MEIS2: variants seen among roughly 807,000 people sequenced by gnomAD.
The protein encoded by MEIS2 is homeobox protein Meis2.
MEIS2 carries 9 observed loss-of-function variants against 58.6 expected under a neutral mutation model. That is an observed-to-expected ratio of 0.15 (90% confidence interval 0.09 to 0.27). The LOEUF is 0.27. Among genes scored for constraint, MEIS2 ranks in the 10% least tolerant of loss-of-function variants. The pLI, the probability that MEIS2 is intolerant of heterozygous loss-of-function variation, is 1.00. For missense variants in MEIS2, 427 were observed against 635.0 expected (o/e 0.67, Z 3.52); for synonymous variants, 221 against 228.4 (o/e 0.97, Z 0.29).
intron 7 of MEIS2, among the ~76,000 whole-genome samples, chr15:37,083,181 T>C (rs1351399074): frequency 1.3e-5 from 2 of 152,166 alleles, no homozygotes; most frequent in Admixed American, 1.3e-4. Flanking sequence ...GATGTCCCCC[T>C]TGCCCTCTGA....
chr15:37,068,531 T>A (rs1187365554), intron 7 of MEIS2, among the ~76,000 whole-genome samples: 2 of 152,190 alleles, frequency 1.3e-5, no homozygotes, highest in Non-Finnish European at 2.9e-5. Context: ...TGTGTATTTA[T>A]CACAAACTAA....
intron 7 of MEIS2, among the ~76,000 whole-genome samples, chr15:37,064,379 G>A (rs759813953): frequency 5.3e-5 from 8 of 151,458 alleles, no homozygotes; most frequent in Non-Finnish European, 1.2e-4. Flanking sequence ...TATTTACAAC[G>A]TAAATATGTA....
intron 8 of MEIS2, among the ~76,000 whole-genome samples, chr15:36,960,372 A>C (rs2059140571): frequency 6.6e-6 from 1 of 152,146 alleles, no homozygotes; most frequent in Non-Finnish European, 1.5e-5. Flanking sequence ...AAAAGTTATA[A>C]AAACAAGAAG....
At chr15:37,059,366 G>T (rs1888877254) in intron 7 of MEIS2, among the ~76,000 whole-genome samples, 1 of 152,140 alleles carries the variant, frequency 6.6e-6, no homozygotes, top group Non-Finnish European at 1.5e-5. Context: ...ATATATTTAA[G>T]AGTAAAGTAA....
At chr15:36,916,265 A>C (rs949554561) in intron 9 of MEIS2, among the ~76,000 whole-genome samples, 1 of 151,842 alleles carries the variant, frequency 6.6e-6, no homozygotes, top group Non-Finnish European at 1.5e-5. Flanking sequence ...GTCTCTACTA[A>C]AAATACAAAA....
At chr15:37,077,020 T>A (rs909480084) in intron 7 of MEIS2, among the ~76,000 whole-genome samples, 1 of 152,120 alleles carries the variant, frequency 6.6e-6, no homozygotes, top group Non-Finnish European at 1.5e-5. Context: ...TCACAAATCT[T>A]GGCATTTTTA....
intron 8 of MEIS2, among the ~76,000 whole-genome samples, chr15:36,967,864 C>T (rs1736541215): frequency 1.3e-5 from 2 of 152,206 alleles, no homozygotes; most frequent in Non-Finnish European, 2.9e-5. Flanking sequence ...TGGGCATGAC[C>T]ATGCAACTGA....
intron 9 of MEIS2, among the ~76,000 whole-genome samples, chr15:36,915,699 GGTGGTATCACGGATTCATTTAA>G (rs1334515784): frequency 1.3e-5 from 2 of 152,258 alleles, no homozygotes; most frequent in South Asian, 4.1e-4. Context: ...ATTTATGAAT[GGTGGTATCACGGATTCATTTAA>G]GTGAAGCAAA....
intron 8 of MEIS2, among the ~76,000 whole-genome samples, chr15:37,032,238 T>A (rs1418528099): frequency 6.6e-6 from 1 of 152,136 alleles, no homozygotes; most frequent in Non-Finnish European, 1.5e-5. Context: ...GAGCAAGTAG[T>A]GTCTTTGTGT....
intron 8 of MEIS2, among the ~76,000 whole-genome samples, chr15:36,997,484 T>C: frequency 1.2e-5 from 1 of 85,574 alleles, no homozygotes; most frequent in East Asian, 4.9e-4. Context: ...TTTCTCTCTC[T>C]CTCTCTTTTT....
intron 9 of MEIS2, among the ~76,000 whole-genome samples, chr15:36,931,386 G>A (rs775612841): frequency 5.9e-5 from 9 of 152,130 alleles, no homozygotes; most frequent in Non-Finnish European, 1.0e-4. Flanking sequence ...CTACCAAGGC[G>A]TTTCTTTCAC....
At chr15:36,901,112 T>G (rs984847915) in intron 9 of MEIS2, 4 of 152,206 alleles carry the variant, frequency 2.6e-5, no homozygotes, top group African/African-American at 7.2e-5. Context: ...TGAAGAGAGA[T>G]CAGATCAACT....
chr15:37,041,679 G>A (rs954355085), intron 7 of MEIS2, among the ~76,000 whole-genome samples: 3 of 152,124 alleles, frequency 2.0e-5, no homozygotes, highest in Admixed American at 6.5e-5. Context: ...AAGGAAGGAC[G>A]TCGGCACACT....
intron 8 of MEIS2, among the ~76,000 whole-genome samples, chr15:37,033,568 A>C (rs991515687): frequency 6.6e-6 from 1 of 152,252 alleles, no homozygotes; most frequent in African/African-American, 2.4e-5. Context: ...ATAATGGAGA[A>C]ATGCATATTG....
At chr15:37,081,028 A>C (rs1344575893) in intron 7 of MEIS2, among the ~76,000 whole-genome samples, 2 of 152,196 alleles carry the variant, frequency 1.3e-5, no homozygotes, top group Non-Finnish European at 2.9e-5. Context: ...TCCAAAGTAA[A>C]GTTTCTATGA....
At chr15:37,012,718 T>C (rs899170843) in intron 8 of MEIS2, among the ~76,000 whole-genome samples, 2 of 152,194 alleles carry the variant, frequency 1.3e-5, no homozygotes, top group African/African-American at 4.8e-5. Context: ...ATTGCCCTAA[T>C]GTGTACAAAT....
At chr15:37,021,089 G>A (rs1172206837) in intron 8 of MEIS2, among the ~76,000 whole-genome samples, 1 of 152,150 alleles carries the variant, frequency 6.6e-6, no homozygotes, top group East Asian at 1.9e-4. Flanking sequence ...CTCCAGAACT[G>A]TGAGAAAATA....
At chr15:37,015,899 CCTTT>C (rs1341671730) in intron 8 of MEIS2, among the ~76,000 whole-genome samples, 3 of 152,156 alleles carry the variant, frequency 2.0e-5, no homozygotes, top group Non-Finnish European at 2.9e-5. Flanking sequence ...ATGTGTATAT[CCTTT>C]CTTTCTATAA....
chr15:36,971,584 A>G (rs559221997), intron 8 of MEIS2, among the ~76,000 whole-genome samples: 2 of 141,620 alleles, frequency 1.4e-5, no homozygotes, highest in East Asian at 4.0e-4. Flanking sequence ...CAGTGATAGC[A>G]AGCATTCCAT....
Sources: allele counts gnomAD v4.1 joint callset (sites outside exome capture counted in the v4.1 genomes callset), GRCh38; gene constraint gnomAD v4.1.1; transcripts MANE v1.5; gene names NCBI Gene and HGNC (gene_info 2026-07-23, HGNC 2026-07-21).